The following RSU1 variants were observed in gnomAD, a reference collection of about 807,000 sequenced individuals.
RSU1 encodes the protein Ras suppressor protein 1.
In RSU1, 26 loss-of-function variants were observed where a neutral mutation model predicts 31.1. The ratio of observed to expected loss-of-function variants is 0.84; its 90% CI spans 0.61 to 1.16. The LOEUF is 1.16. Ranked by LOEUF, RSU1 falls within the 50% of genes most tolerant of loss-of-function variation. The probability of loss-of-function intolerance (pLI) is 0.00; values close to 1 mark genes in which losing one functional copy is unlikely to be tolerated. For synonymous variants in RSU1, 164 were observed against 136.3 expected, an observed-to-expected ratio of 1.20 and a Z score of -1.41; for missense variants, 320 against 339.1, an observed-to-expected ratio of 0.94 and a Z score of 0.44.
chr10:16,682,750 G>C (rs896678023), intron 8 of RSU1, among the ~76,000 whole-genome samples: 1 of 151,854 alleles, frequency 6.6e-6, no homozygotes, highest in Non-Finnish European at 1.5e-5. Context: ...CCTCTCTTGG[G>C]GTCTGGATCG....
At chr10:16,814,501 AG>A (rs1340627238) in intron 2 of RSU1, among the ~76,000 whole-genome samples, 1 of 151,692 alleles carries the variant, frequency 6.6e-6, no homozygotes, top group Non-Finnish European at 1.5e-5. Context: ...TAATTAATGT[AG>A]CCATGTGAAG....
intron 8 of RSU1, among the ~76,000 whole-genome samples, chr10:16,629,142 G>T (rs988819832): frequency 6.6e-6 from 1 of 152,128 alleles, no homozygotes; most frequent in Non-Finnish European, 1.5e-5. Flanking sequence ...CCACACTTCA[G>T]TGTGCATAGG....
chr10:16,592,066 A>T lies in RSU1; in HGVS notation c.*1328T>A, dbSNP rs548040150. ...ACTCAGAACTTGTTGTTTGATTTTG[A>T]TTTTTGACTTTTTTATATGCCCCAG... is the stretch of plus-strand genomic sequence containing the variant. On this transcript the variant is annotated 3_prime_UTR_variant, in exon 9 of 9. Transcript: ENST00000345264. The T allele has an allele frequency of 6.6e-6, 1 of 150,594 alleles. No individual in the cohort carries two copies. Among genetic ancestry groups the T allele is most frequent in the Non-Finnish European group, 1.5e-5 (1 of 68,006 alleles). 9.3% of individuals were successfully genotyped at this position (150,594 alleles called of 1,614,324 possible). A position where few individuals can be genotyped will look rare whatever the true frequency, so the allele number is the denominator to read the frequency against.
intron 7 of RSU1, among the ~76,000 whole-genome samples, chr10:16,722,005 G>C (rs1836273582): frequency 6.6e-6 from 1 of 152,102 alleles, no homozygotes; most frequent in Non-Finnish European, 1.5e-5. Context: ...TATCATAGTA[G>C]TTCTCTCTTA....
At chr10:16,610,597 A>G (rs919126920) in intron 8 of RSU1, among the ~76,000 whole-genome samples, 8 of 152,150 alleles carry the variant, frequency 5.3e-5, no homozygotes, top group African/African-American at 1.9e-4. Flanking sequence ...ATCCGTCACT[A>G]TTTCCCATCA....
intron 4 of RSU1, among the ~76,000 whole-genome samples, chr10:16,764,142 A>G (rs1208395382): frequency 6.6e-6 from 1 of 152,224 alleles, no homozygotes; most frequent in South Asian, 2.1e-4. Context: ...TGGACAGAAA[A>G]TACAATAAAA....
Position 16,738,221 on chromosome 10 carries a change from C to T in RSU1, c.598+14318G>A, listed in dbSNP as rs529988007. 1.6e-4 allele frequency among the ~76,000 whole-genome samples: 24 copies of T among 152,096 alleles called. No individual in the cohort carries two copies. In the South Asian group the frequency reaches 2.5e-3, roughly 16 times the overall value. ...CAGCACTTTGGGAGGCCAAAACAGG[C>T]GGATCATGATGTCAGCAGATCGAGA... On this transcript the variant is annotated intron_variant, in intron 7 of 8. Transcript: ENST00000345264.
Position 16,817,006 on chromosome 10 carries a change from C to T in RSU1, c.76G>A (p.Gly26Ser). Residue 26 changes from glycine (G) to serine (S), a missense_variant, in exon 2 of 9, where the codon GGC becomes AGC. Physicochemically the swap from Gly to Ser is moderately conservative, Grantham distance 56. Coordinates refer to ENST00000345264, the MANE Select transcript of RSU1 (RefSeq NM_012425.4). ...TTGACATCCAGCATGTTGGAGATGC[C>T]CCGGTCACTCATGTCCACCTCGGGC... ...NQPEVDMSDR[G>S]ISNMLDVNGL... 1 of 1,614,138 alleles carries T rather than the reference C, an allele frequency of 6.2e-7. No individual in the cohort carries two copies. Among genetic ancestry groups the T allele is most frequent in the Non-Finnish European group, 8.5e-7 (1 of 1,179,954 alleles).
intron 8 of RSU1, among the ~76,000 whole-genome samples, chr10:16,598,417 G>A (rs147551611): frequency 0.031 from 4,773 of 152,152 alleles, 267 homozygotes; most frequent in African/African-American, 0.11. Context: ...AGGTGTGGTG[G>A]AGCACACCTG....
At chr10:16,797,856 CTTTTTTTTTTTT>C (rs766748303) in intron 2 of RSU1, among the ~76,000 whole-genome samples, 1 of 103,508 alleles carries the variant, frequency 9.7e-6, no homozygotes, top group Non-Finnish European at 2.0e-5. Context: ...GGGATTTCTT[CTTTTTTTTTTTT>C]TTTTTTTTTT....
intron 2 of RSU1, among the ~76,000 whole-genome samples, chr10:16,788,555 C>G (rs1363175866): frequency 1.3e-5 from 2 of 152,192 alleles, no homozygotes; most frequent in African/African-American, 2.4e-5. Flanking sequence ...TCCGTCAGTA[C>G]CTTGATCTTG....
chr10:16,659,802 T>C (rs7070179), intron 8 of RSU1, among the ~76,000 whole-genome samples: 20,064 of 152,212 alleles, frequency 0.13, 3,158 homozygotes, highest in African/African-American at 0.37. Flanking sequence ...TTACTGGTTG[T>C]TTTTAATGTC....
chr10:16,742,288 AAAGGT>A (rs1257235382), intron 7 of RSU1, among the ~76,000 whole-genome samples: 1 of 152,182 alleles, frequency 6.6e-6, no homozygotes, highest in African/African-American at 2.4e-5. Context: ...AGAATTCTGG[AAAGGT>A]CTAAATATAA....
rs543825995 is a variant in RSU1, at chr10:16,619,593, A to G, written c.732-26097T>C. Among the ~76,000 whole-genome samples, 3 of 152,308 alleles carry G rather than the reference A, an allele frequency of 2.0e-5. No individual in the cohort carries two copies. In the South Asian group the frequency reaches 6.2e-4, roughly 32 times the overall value. On this transcript the variant is annotated intron_variant, in intron 8 of 8. Coordinates refer to ENST00000345264, the MANE Select transcript of RSU1 (RefSeq NM_012425.4). ...AGGAAGTGCCTCGTGTGTTTCCTTG[A>G]ACAAAAGGTGGCAGGACAGAGCCCT... is the stretch of plus-strand genomic sequence containing the variant.
intron 8 of RSU1, among the ~76,000 whole-genome samples, chr10:16,660,248 A>C (rs1834863111): frequency 1.3e-5 from 2 of 152,176 alleles, no homozygotes; most frequent in African/African-American, 4.8e-5. Flanking sequence ...ACCCAAACTC[A>C]CTGCACGCCC....
chr10:16,689,482 C>T (rs1226966956), intron 8 of RSU1, among the ~76,000 whole-genome samples: 2 of 152,200 alleles, frequency 1.3e-5, no homozygotes, highest in Non-Finnish European at 1.5e-5. Context: ...ACGTCCATTA[C>T]AGCTTGTAAC....
intron 7 of RSU1, among the ~76,000 whole-genome samples, chr10:16,722,425 T>C (rs1836285316): frequency 6.6e-6 from 1 of 152,166 alleles, no homozygotes; most frequent in South Asian, 2.1e-4. Flanking sequence ...GATGTATGAA[T>C]GGTGGTGTCA....
At position 16,764,637 on chromosome 10, in the gene RSU1, C is replaced by G. The variant is rs1221891104; in HGVS notation, c.161-127G>C. On this transcript the variant is annotated intron_variant, in intron 3 of 8. Coordinates refer to ENST00000345264, the MANE Select transcript of RSU1 (RefSeq NM_012425.4). The stretch of plus-strand genomic sequence containing the variant: ...ACTTCAAAAGGGCCATCGAATTCAC[C>G]TACCGGTCTTATTTATTTTTTACAG... The G allele has an allele frequency of 4.2e-6, 4 of 963,390 alleles. No homozygotes were observed. The African/African-American group carries it at 5.0e-5, about 12-fold the overall frequency. The allele number at this position is 963,390 out of a possible 1,614,324, so 59.7% of individuals were successfully genotyped here. A position where few individuals can be genotyped will look rare whatever the true frequency, so the allele number is the denominator to read the frequency against.
intron 8 of RSU1, among the ~76,000 whole-genome samples, chr10:16,608,257 C>CA (rs1833837605): frequency 6.6e-6 from 1 of 152,198 alleles, no homozygotes; most frequent in Non-Finnish European, 1.5e-5. Context: ...CCTATAATCT[C>CA]AGCACTTTCG....
Sources: gnomAD v4.1 joint callset for allele counts (sites outside exome capture counted in the v4.1 genomes callset) on GRCh38, gnomAD v4.1.1 for gene constraint, MANE v1.5 for transcripts, NCBI Gene and HGNC (gene_info 2026-07-23, HGNC 2026-07-21) for gene names.